Variants in LEF1 observed in about 807,000 individuals in gnomAD.
LEF1 encodes lymphoid enhancer binding factor 1.
A neutral mutation model predicts 51.2 loss-of-function variants in LEF1; 14 were observed. The ratio of observed to expected loss-of-function variants is 0.27; its 90% CI spans 0.18 to 0.43. LEF1 has a LOEUF of 0.43. LEF1 is among the 20% of genes least tolerant of loss of function. LEF1 has a pLI of 1.00. For missense variants in LEF1, 386 were observed against 512.0 expected (o/e 0.75, Z 2.37); for synonymous variants, 185 against 183.2 (o/e 1.01, Z -0.08).
At chr4:108,110,799 T>C (rs1471216240) in intron 3 of LEF1, among the ~76,000 whole-genome samples, 1 of 152,242 alleles carries the variant, frequency 6.6e-6, no homozygotes, top group Non-Finnish European at 1.5e-5. Flanking sequence ...ACAGAAAATA[T>C]GCAGAATTCA....
intron 3 of LEF1, among the ~76,000 whole-genome samples, chr4:108,118,539 T>C (rs929117048): frequency 1.3e-5 from 2 of 152,240 alleles, no homozygotes; most frequent in African/African-American, 4.8e-5. Context: ...TAAATATCTA[T>C]GTAAGGCCAC....
chr4:108,151,824 A>C (rs1744374434), intron 3 of LEF1, among the ~76,000 whole-genome samples: 2 of 152,210 alleles, frequency 1.3e-5, no homozygotes, highest in Admixed American at 1.3e-4. Context: ...GCGATTCCAT[A>C]CAAATTTATA....
chr4:108,155,073 C>T (rs760170213), intron 3 of LEF1, among the ~76,000 whole-genome samples: 10 of 152,148 alleles, frequency 6.6e-5, no homozygotes, highest in South Asian at 2.1e-4. Flanking sequence ...GTCCTTCATA[C>T]GGCTCCTGGA....
At position 108,130,978 on chromosome 4, in the gene LEF1, C is replaced by T. The variant is rs189707603; in HGVS notation, c.414+32590G>A. ...TTAAATCACCTAGGAAGCTTTTCAC[C>T]AAACTACTGTATCTTTCCTCCCAGG... On this transcript the variant is annotated intron_variant, in intron 3 of 11. Coordinates refer to ENST00000265165, the MANE Select transcript of LEF1 (RefSeq NM_016269.5). Among the ~76,000 whole-genome samples the T allele has an allele frequency of 2.0e-3, 306 of 152,070 alleles. 5 individuals carry two copies. Among genetic ancestry groups the T allele is most frequent in the Non-Finnish European group, 1.7e-3 (114 of 67,990 alleles).
chr4:108,165,139 G>A lies in LEF1; in HGVS notation c.238C>T (p.Gln80Ter). The part of the protein sequence containing the change: ...HEVARQAQTS[Q>*]EPYHDKAREH... ...CTGGCCTTGTCGTGGTAGGGCTCCT[G>A]AGAGGTTTGTGCTTGTCTGGCCACC... The change falls in exon 2 of 12, where the codon CAG (glutamine) becomes TAG (stop). Residue 80 changes from glutamine (Q) to a stop codon, truncating the protein, a stop_gained. Coordinates refer to ENST00000265165, the MANE Select transcript of LEF1 (RefSeq NM_016269.5). LOFTEE classifies it high-confidence loss of function. 1 of 1,614,090 alleles carries A rather than the reference G, an allele frequency of 6.2e-7. No homozygotes were observed. Among genetic ancestry groups the A allele is most frequent in the Non-Finnish European group, 8.5e-7 (1 of 1,179,988 alleles).
chr4:108,135,730 T>C (rs1743223342), intron 3 of LEF1, among the ~76,000 whole-genome samples: 1 of 152,068 alleles, frequency 6.6e-6, no homozygotes, highest in Non-Finnish European at 1.5e-5. Flanking sequence ...GGGGGAGTTG[T>C]TTTTAGGCAA....
chr4:108,159,496 G>T (rs1744937986), intron 3 of LEF1, among the ~76,000 whole-genome samples: 1 of 152,140 alleles, frequency 6.6e-6, no homozygotes. Context: ...TAAAAATCTT[G>T]CATGAGATAT....
chr4:108,165,294 G>C, intron 1 of LEF1, 131 bp from the exon 2 acceptor site: 1 of 779,856 alleles, frequency 1.3e-6, no homozygotes, highest in Non-Finnish European at 2.3e-6. Context: ...TATACTCTGA[G>C]AGACATACGC....
chr4:108,070,247 A>G (rs1180009452), intron 9 of LEF1, among the ~76,000 whole-genome samples: 2 of 152,126 alleles, frequency 1.3e-5, no homozygotes, highest in African/African-American at 2.4e-5. Context: ...AAGATCGAGA[A>G]GTATGCAACA....
chr4:108,076,276 T>C (rs1477857172), intron 8 of LEF1, among the ~76,000 whole-genome samples: 1 of 152,260 alleles, frequency 6.6e-6, no homozygotes, highest in Non-Finnish European at 1.5e-5. Flanking sequence ...GTCTGTATTC[T>C]GTCATAAAAC....
intron 3 of LEF1, among the ~76,000 whole-genome samples, chr4:108,121,500 A>G (rs1742177990): frequency 6.6e-6 from 1 of 152,242 alleles, no homozygotes; most frequent in Non-Finnish European, 1.5e-5. Flanking sequence ...GGAAAAATAC[A>G]GATACCAATG....
intron 3 of LEF1, among the ~76,000 whole-genome samples, chr4:108,160,709 G>A (rs1373041308): frequency 6.6e-6 from 1 of 152,124 alleles, no homozygotes; most frequent in Non-Finnish European, 1.5e-5. Flanking sequence ...TTGGTCATAG[G>A]TAAAATCTGT....
intron 3 of LEF1, among the ~76,000 whole-genome samples, chr4:108,152,116 G>C (rs1744390748): frequency 6.6e-6 from 1 of 152,226 alleles, no homozygotes; most frequent in South Asian, 2.1e-4. Flanking sequence ...ACCCGAAAGA[G>C]AGAGTAGTCA....
In LEF1 at chr4:108,078,208, T is replaced by C; in HGVS notation, c.1008+12A>G. 6.2e-7 allele frequency: 1 copy of C among 1,613,374 alleles called. No individual in the cohort carries two copies. The highest frequency in any genetic ancestry group is 2.2e-5 in the East Asian group (1 of 44,886). On this transcript the variant is annotated intron_variant, in intron 8 of 11. Transcript: ENST00000265165. ...GCTACCATGAACATTTACACATGACTCGGCTACTTACCCTTCTGCCAAGAA... is the reference window on the plus strand; with the variant it reads ...GCTACCATGAACATTTACACATGACCCGGCTACTTACCCTTCTGCCAAGAA...
Position 108,105,458 on chromosome 4 carries a change from G to A in LEF1, c.415-16201C>T, listed in dbSNP as rs182808325. Among the ~76,000 whole-genome samples, 8 of 152,230 alleles carry A rather than the reference G, an allele frequency of 5.3e-5. No homozygotes were observed. The East Asian group carries it at 1.5e-3, about 29-fold the overall frequency. On this transcript the variant is annotated intron_variant, in intron 3 of 11. Transcript: ENST00000265165. ...AGCCTCTCAAAGTGATGGGATTACA[G>A]GTGTGAGCCTCCACGCCCAGCCTGA...
chr4:108,136,228 C>A (rs1264949575), intron 3 of LEF1, among the ~76,000 whole-genome samples: 2 of 152,098 alleles, frequency 1.3e-5, no homozygotes, highest in African/African-American at 4.8e-5. Context: ...CCATAAAGAA[C>A]CTGCACCTAT....
chr4:108,073,496 TAAAAG>T (rs148034071), intron 8 of LEF1, among the ~76,000 whole-genome samples: 102 of 152,044 alleles, frequency 6.7e-4, no homozygotes, highest in African/African-American at 2.4e-3. Context: ...ACAAAAAAAA[TAAAAG>T]AAGACAGGAA....
intron 3 of LEF1, among the ~76,000 whole-genome samples, chr4:108,099,617 T>TATAAAA (rs1371330564): frequency 4.2e-5 from 5 of 118,222 alleles, no homozygotes; most frequent in Non-Finnish European, 8.6e-5. Context: ...TATATATATA[T>TATAAAA]AAATAATACT....
Position 108,167,752 on chromosome 4 carries a change from C to G in LEF1, c.16G>C (p.Gly6Arg), listed in dbSNP as rs1457980670. 3.7e-6 allele frequency: 6 copies of G among 1,613,146 alleles called. No homozygotes were observed. The South Asian group carries it at 5.5e-5, about 15-fold the overall frequency. MPQLS[G>R]GGGGGGGDPE... ...TCCCCCCCGCCGCCGCCACCTCCTC[C>G]GGAGAGTTGGGGCATCCCGGCGGCT... Residue 6 changes from glycine to arginine, a missense_variant, in exon 1 of 12, where the codon GGA becomes CGA. Physicochemically the swap from Gly to Arg is moderately radical, Grantham distance 125 (BLOSUM62 -2). Around this residue, in one of 2 missense-constraint regions of LEF1, gnomAD observed 335 missense variants for 390.7 expected, o/e 0.86. Coordinates refer to ENST00000265165, the MANE Select transcript of LEF1 (RefSeq NM_016269.5). The surrounding 1 kb of genome is among the most constrained non-coding windows in gnomAD (Gnocchi z 5.7).
Sources: allele counts gnomAD v4.1 joint callset (sites outside exome capture counted in the v4.1 genomes callset), GRCh38; gene constraint gnomAD v4.1.1; regional missense constraint gnomAD v4.1.1; non-coding constraint Gnocchi (gnomAD v3.1); transcripts MANE v1.5; gene names NCBI Gene and HGNC (gene_info 2026-07-23, HGNC 2026-07-21).